PCDH9: variants seen among roughly 807,000 people sequenced by gnomAD.
PCDH9 encodes the protein protocadherin-9.
In PCDH9, 24 loss-of-function variants were observed where a neutral mutation model predicts 70.6. That is an observed-to-expected ratio of 0.34 (90% CI 0.25 to 0.48). PCDH9 has a LOEUF of 0.48. Ranked by LOEUF, PCDH9 falls within the 20% of genes least tolerant of loss-of-function variation. The pLI is 0.99. For synonymous variants in PCDH9, 562 were observed against 558.5 expected (o/e 1.01, Z -0.09); for missense variants, 1,281 against 1,503.6 (o/e 0.85, Z 2.45).
chr13:66,898,261 T>C (rs1000038783), intron 3 of PCDH9, among the ~76,000 whole-genome samples: 1 of 152,014 alleles, frequency 6.6e-6, no homozygotes, highest in African/African-American at 2.4e-5. Flanking sequence ...TGTATGCATG[T>C]ATTTAAGTAT....
At chr13:66,667,529 T>G (rs1175400662) in intron 3 of PCDH9, among the ~76,000 whole-genome samples, 2 of 152,158 alleles carry the variant, frequency 1.3e-5, no homozygotes, top group African/African-American at 4.8e-5. Flanking sequence ...CCTAGGCCCA[T>G]GGACCTAGTG....
intron 3 of PCDH9, among the ~76,000 whole-genome samples, chr13:66,843,022 C>A (rs1005567617): frequency 6.6e-6 from 1 of 152,182 alleles, no homozygotes; most frequent in Non-Finnish European, 1.5e-5. Flanking sequence ...CCACTTCACT[C>A]TTGATCTATG....
At chr13:66,709,898 G>A (rs181369722) in intron 3 of PCDH9, among the ~76,000 whole-genome samples, 155 of 152,166 alleles carry the variant, frequency 1.0e-3, no homozygotes, top group Non-Finnish European at 1.8e-3. Context: ...TCCATTTTAG[G>A]AGAAGGATGA....
At chr13:66,650,435 A>AAATATATATGT (rs1318969196) in intron 3 of PCDH9, among the ~76,000 whole-genome samples, 1 of 152,042 alleles carries the variant, frequency 6.6e-6, no homozygotes, top group East Asian at 1.9e-4. Context: ...TACCAATTGT[A>AAATATATATGT]AATATATATG....
chr13:67,017,755 G>T (rs1180269802), intron 2 of PCDH9, among the ~76,000 whole-genome samples: 1 of 152,090 alleles, frequency 6.6e-6, no homozygotes, highest in African/African-American at 2.4e-5. Flanking sequence ...TCATTGCAAT[G>T]AACAGTCTAT....
At chr13:66,779,895 G>GTGTGTT (rs1398706051) in intron 3 of PCDH9, among the ~76,000 whole-genome samples, 3,296 of 147,172 alleles carry the variant, frequency 0.022, 141 homozygotes, top group African/African-American at 0.078. Flanking sequence ...GTGTGTGTGT[G>GTGTGTT]TGTGTGTCCG....
intron 3 of PCDH9, among the ~76,000 whole-genome samples, chr13:66,716,269 T>G (rs1039744648): frequency 2.6e-5 from 4 of 152,190 alleles, no homozygotes; most frequent in Non-Finnish European, 4.4e-5. Context: ...AAGCAGAAAT[T>G]CTGGGTTACT....
At chr13:66,346,338 T>A (rs1261503465) in intron 4 of PCDH9, among the ~76,000 whole-genome samples, 1 of 152,234 alleles carries the variant, frequency 6.6e-6, no homozygotes, top group African/African-American at 2.4e-5. Context: ...CACGGAAACG[T>A]TGATTCTTGA....
At chr13:66,581,360 A>T (rs561619159) in intron 4 of PCDH9, among the ~76,000 whole-genome samples, 3 of 152,278 alleles carry the variant, frequency 2.0e-5, no homozygotes, top group Non-Finnish European at 1.5e-5. Flanking sequence ...ATATTTTGCT[A>T]TGTGAAGGTT....
At chr13:67,164,780 G>A (rs907158033) in intron 2 of PCDH9, among the ~76,000 whole-genome samples, 9 of 152,014 alleles carry the variant, frequency 5.9e-5, no homozygotes, top group Admixed American at 2.6e-4. Flanking sequence ...ACATCATCCT[G>A]ATTATGGTTT....
intron 2 of PCDH9, among the ~76,000 whole-genome samples, chr13:67,168,117 A>G (rs2088173864): frequency 6.6e-6 from 1 of 152,240 alleles, no homozygotes; most frequent in African/African-American, 2.4e-5. Flanking sequence ...CAACTTCTCC[A>G]GAAAATCACT....
At chr13:66,682,359 TCTATCTATCTATCTATCTA>T (rs2078336852) in intron 3 of PCDH9, among the ~76,000 whole-genome samples, 2 of 9,098 alleles carry the variant, frequency 2.2e-4, no homozygotes. Flanking sequence ...TTATTATCTA[TCTATCTATCTATCTATCTA>T]TCTATCTATC....
chr13:66,331,474 C>T lies in PCDH9; in HGVS notation c.3341-26446G>A, dbSNP rs533677625. ...CACTTGCTGAAATTTCTCATTGGGC[C>T]TATCCACGTGCATTAAGGAATTATC... On this transcript the variant is annotated intron_variant, in intron 4 of 4. Coordinates refer to ENST00000377865, the MANE Select transcript of PCDH9 (RefSeq NM_203487.3). Among the ~76,000 whole-genome samples, 11 of 152,244 alleles carry T rather than the reference C, an allele frequency of 7.2e-5. No homozygotes were observed. The South Asian group carries it at 1.7e-3, about 23-fold the overall frequency.
intron 3 of PCDH9, among the ~76,000 whole-genome samples, chr13:66,691,742 G>C (rs1186676101): frequency 1.3e-5 from 2 of 152,012 alleles, no homozygotes; most frequent in African/African-American, 4.8e-5. Flanking sequence ...ACAAGAACAA[G>C]ATAAAGAATA....
intron 2 of PCDH9, among the ~76,000 whole-genome samples, chr13:66,992,733 C>T (rs2084028923): frequency 6.6e-6 from 1 of 152,044 alleles, no homozygotes; most frequent in Non-Finnish European, 1.5e-5. Context: ...GATAAAAATG[C>T]CTGCCTTAGA....
At position 66,470,468 on chromosome 13, in the gene PCDH9, CAA is replaced by C. The variant is rs534641089; in HGVS notation, c.3340+160740_3340+160741del. 1.4e-3 allele frequency among the ~76,000 whole-genome samples: 216 copies of C among 152,214 alleles called. 1 individual carries two copies. The highest frequency in any genetic ancestry group is 5.0e-3 in the African/African-American group (208 of 41,538). ...AGTCACTAAAGTACTCTGAAAATCT[CAA>C]AGTGTTAACGCATCTTTGAAAAGTG... On this transcript the variant is annotated intron_variant, in intron 4 of 4. Transcript: ENST00000377865.
chr13:66,978,316 T>C (rs1364931824), intron 2 of PCDH9: 1 of 151,804 alleles, frequency 6.6e-6, no homozygotes, highest in Non-Finnish European at 1.5e-5. Flanking sequence ...TAGGGTAAAG[T>C]AACTCTGCAA....
At chr13:66,672,902 G>A (rs993766903) in intron 3 of PCDH9, among the ~76,000 whole-genome samples, 5 of 152,152 alleles carry the variant, frequency 3.3e-5, no homozygotes, top group African/African-American at 4.8e-5. Flanking sequence ...TATCTAGGAA[G>A]TATTACTAAC....
At chr13:66,806,375 T>C (rs1256506148) in intron 3 of PCDH9, among the ~76,000 whole-genome samples, 1 of 152,170 alleles carries the variant, frequency 6.6e-6, no homozygotes. Flanking sequence ...TTTGAATATA[T>C]ACAATCATCT....
Sources: allele counts gnomAD v4.1 joint callset (sites outside exome capture counted in the v4.1 genomes callset), GRCh38; gene constraint gnomAD v4.1.1; transcripts MANE v1.5; gene names NCBI Gene and HGNC (gene_info 2026-07-23, HGNC 2026-07-21).